MRTFB: variants seen among roughly 807,000 people sequenced by gnomAD.
MRTFB encodes the protein myocardin-related transcription factor B.
In MRTFB, 29 loss-of-function variants were observed where a neutral mutation model predicts 104.2. The ratio of observed to expected loss-of-function variants is 0.28; its 90% CI spans 0.21 to 0.38. The LOEUF is 0.38. Ranked by LOEUF, MRTFB falls within the 10% of genes least tolerant of loss-of-function variation. The probability of loss-of-function intolerance (pLI) is 1.00; values close to 1 mark genes in which losing one functional copy is unlikely to be tolerated. For missense variants in MRTFB, 1,270 were observed against 1,341.6 expected, an observed-to-expected ratio of 0.95 and a Z score of 0.83; for synonymous variants, 535 against 519.5, an observed-to-expected ratio of 1.03 and a Z score of -0.41.
chr16:14,122,077 C>G (rs1477293978), intron 2 of MRTFB, among the ~76,000 whole-genome samples: 1 of 152,072 alleles, frequency 6.6e-6, no homozygotes, highest in African/African-American at 2.4e-5. Flanking sequence ...TGGCATGCAG[C>G]CTGCCAGGCT....
At chr16:14,054,909 TA>T in the MRTFB span, among the ~76,000 whole-genome samples, 1 of 152,184 alleles carries the variant, frequency 6.6e-6, no homozygotes, top group Non-Finnish European at 1.5e-5. Flanking sequence ...AGCACCTCAT[TA>T]AAAAGCAAAA....
chr16:14,130,835 A>G (rs73514958), intron 2 of MRTFB, among the ~76,000 whole-genome samples: 3 of 152,290 alleles, frequency 2.0e-5, no homozygotes, highest in African/African-American at 7.2e-5. Flanking sequence ...TCTTCACGGA[A>G]CAGCAGGAGA....
At chr16:14,172,777 A>G (rs929491029) in intron 3 of MRTFB, among the ~76,000 whole-genome samples, 2 of 152,178 alleles carry the variant, frequency 1.3e-5, no homozygotes, top group African/African-American at 2.4e-5. Flanking sequence ...CCTCTTTTCA[A>G]TATGTTTAAG....
the MRTFB span, among the ~76,000 whole-genome samples, chr16:14,035,577 T>C: frequency 2.0e-5 from 3 of 152,182 alleles, no homozygotes; most frequent in African/African-American, 7.2e-5. Flanking sequence ...TTTAAGCATT[T>C]ATTATATGTT....
chr16:14,226,047 T>G (rs2041989837), intron 8 of MRTFB, among the ~76,000 whole-genome samples: 1 of 152,128 alleles, frequency 6.6e-6, no homozygotes, highest in Admixed American at 6.5e-5. Flanking sequence ...TTTTCAACAA[T>G]GCAAAAGGAG....
chr16:14,087,824 A>G (rs1164771712), intron 2 of MRTFB, among the ~76,000 whole-genome samples: 3 of 152,214 alleles, frequency 2.0e-5, no homozygotes, highest in Non-Finnish European at 4.4e-5. Context: ...GATTACTGAC[A>G]CTTGGGAATT....
upstream of MRTFB, among the ~76,000 whole-genome samples, chr16:14,066,854 A>G (rs146672223): frequency 1.3e-5 from 2 of 151,678 alleles, no homozygotes; most frequent in Admixed American, 6.6e-5. Flanking sequence ...AATTTTTTGT[A>G]GAGACAGGGT....
At chr16:14,176,887 T>A (rs540665193) in intron 3 of MRTFB, among the ~76,000 whole-genome samples, 1 of 152,362 alleles carries the variant, frequency 6.6e-6, no homozygotes, top group Admixed American at 6.5e-5. Context: ...AGTCCTTTGA[T>A]GACAGGTATC....
At chr16:14,092,077 A>G (rs1474816001) in intron 2 of MRTFB, among the ~76,000 whole-genome samples, 1 of 151,996 alleles carries the variant, frequency 6.6e-6, no homozygotes, top group East Asian at 1.9e-4. Context: ...CTTCTGTCCA[A>G]TAAAAAGGTT....
At chr16:14,017,732 TTTG>T in the MRTFB span, among the ~76,000 whole-genome samples, 2 of 85,790 alleles carry the variant, frequency 2.3e-5, no homozygotes, top group African/African-American at 3.8e-5. Flanking sequence ...TTTTTTTTTT[TTTG>T]AGACAGGGTC....
At chr16:14,076,302 C>T (rs2034047373) in intron 1 of MRTFB, among the ~76,000 whole-genome samples, 1 of 152,120 alleles carries the variant, frequency 6.6e-6, no homozygotes, top group Non-Finnish European at 1.5e-5. Context: ...AGCGATTCTC[C>T]TGCCTCAGCC....
At chr16:14,010,445 G>A in the MRTFB span, among the ~76,000 whole-genome samples, 93,625 of 151,860 alleles carry the variant, frequency 0.62, 29,582 homozygotes, top group African/African-American at 0.72. Flanking sequence ...AGTAGCTGGG[G>A]CCACAGGCTC....
chr16:14,228,741 C>T (rs1171828690), intron 8 of MRTFB, among the ~76,000 whole-genome samples: 1 of 152,158 alleles, frequency 6.6e-6, no homozygotes, highest in African/African-American at 2.4e-5. Flanking sequence ...AGTATTCAGC[C>T]TTTAAAAAGG....
upstream of MRTFB, among the ~76,000 whole-genome samples, chr16:14,070,962 T>G (rs1443554837): frequency 6.6e-6 from 1 of 152,170 alleles, no homozygotes; most frequent in Non-Finnish European, 1.5e-5. Flanking sequence ...AGGGGGCTGT[T>G]AAGTGCTCGG....
chr16:14,183,701 A>G (rs548281004), intron 3 of MRTFB, among the ~76,000 whole-genome samples: 1 of 152,256 alleles, frequency 6.6e-6, no homozygotes, highest in Admixed American at 6.5e-5. Context: ...TCTGGGGGAA[A>G]TGCTCTGTAA....
intron 3 of MRTFB, chr16:14,200,101 A>T (rs2040615177): frequency 6.9e-6 from 4 of 579,892 alleles, no homozygotes; most frequent in African/African-American, 5.6e-5. Context: ...TGACCTTATC[A>T]AAGTTTTAAG....
chr16:14,094,617 A>G (rs902980044), intron 2 of MRTFB, among the ~76,000 whole-genome samples: 1 of 152,228 alleles, frequency 6.6e-6, no homozygotes, highest in African/African-American at 2.4e-5. Context: ...AATAAAATCT[A>G]AGTTTCACCC....
intron 3 of MRTFB, among the ~76,000 whole-genome samples, chr16:14,183,654 T>TAG (rs2039845411): frequency 6.6e-6 from 1 of 152,132 alleles, no homozygotes; most frequent in Non-Finnish European, 1.5e-5. Flanking sequence ...ACACTTAGGG[T>TAG]AAAGAAGTAT....
chr16:14,196,467 C>T (rs765271182), intron 3 of MRTFB, among the ~76,000 whole-genome samples: 2 of 152,222 alleles, frequency 1.3e-5, no homozygotes, highest in African/African-American at 2.4e-5. Context: ...CCACCTGCCA[C>T]TTCCCCTCCT....
Sources: allele counts gnomAD v4.1 joint callset (sites outside exome capture counted in the v4.1 genomes callset), GRCh38; gene constraint gnomAD v4.1.1; transcripts MANE v1.5; gene names NCBI Gene and HGNC (gene_info 2026-07-23, HGNC 2026-07-21).